The following MAP4K4 variants were observed in gnomAD, a reference collection of about 807,000 sequenced individuals.
MAP4K4 encodes HPK/GCK-like kinase HGK.
A neutral mutation model predicts 189.6 loss-of-function variants in MAP4K4; 38 were observed. The observed-to-expected ratio is 0.20, with a 90% CI of 0.15 to 0.26. The LOEUF is 0.26. MAP4K4 is among the 10% of genes least tolerant of loss of function. The pLI, the probability that MAP4K4 is intolerant of heterozygous loss-of-function variation, is 1.00. For missense variants in MAP4K4, 1,054 were observed against 1,726.9 expected (o/e 0.61, Z 6.91); for synonymous variants, 610 against 624.3 (o/e 0.98, Z 0.34).
chr2:101,700,112 A>T (rs114158647), intron 2 of MAP4K4, among the ~76,000 whole-genome samples: 387 of 152,208 alleles, frequency 2.5e-3, no homozygotes, highest in Non-Finnish European at 4.5e-3. Flanking sequence ...CAGTAGTTGG[A>T]TTGTTTGTGT....
chr2:101,879,220 T>C (rs1258558522), intron 27 of MAP4K4, among the ~76,000 whole-genome samples: 1 of 144,832 alleles, frequency 6.9e-6, no homozygotes, highest in Admixed American at 6.9e-5. Context: ...AAAAAAAAAA[T>C]TAATAATTAT....
chr2:101,711,382 G>A (rs879611075), intron 2 of MAP4K4, among the ~76,000 whole-genome samples: 2 of 152,014 alleles, frequency 1.3e-5, no homozygotes, highest in Non-Finnish European at 2.9e-5. Flanking sequence ...AGCCTGTCAT[G>A]TAGCTGGGAT....
chr2:101,799,484 CCTT>C (rs1304459066), intron 3 of MAP4K4, among the ~76,000 whole-genome samples: 1 of 152,184 alleles, frequency 6.6e-6, no homozygotes, highest in Non-Finnish European at 1.5e-5. Flanking sequence ...CTTGCAGGCT[CCTT>C]CTTCAGCCCC....
chr2:101,771,661 G>A (rs116204316), intron 2 of MAP4K4, among the ~76,000 whole-genome samples: 1 of 152,192 alleles, frequency 6.6e-6, no homozygotes, highest in Admixed American at 6.5e-5. Context: ...CGGAGGCCGC[G>A]CAATGTGCAG....
chr2:101,772,334 A>G (rs2081894120), intron 2 of MAP4K4, among the ~76,000 whole-genome samples: 1 of 152,220 alleles, frequency 6.6e-6, no homozygotes, highest in Non-Finnish European at 1.5e-5. Context: ...CACAGCTGAA[A>G]AAGGATATCC....
chr2:101,876,938 C>T, intron 26 of MAP4K4, 65 bp from the exon 27 acceptor site: 1 of 1,542,822 alleles, frequency 6.5e-7, no homozygotes, highest in Non-Finnish European at 8.9e-7. Flanking sequence ...GTTATCCTTT[C>T]TATACAACCT....
At chr2:101,734,437 G>T (rs1392962214) in intron 2 of MAP4K4, among the ~76,000 whole-genome samples, 1 of 152,114 alleles carries the variant, frequency 6.6e-6, no homozygotes, top group Non-Finnish European at 1.5e-5. Flanking sequence ...TGGATATCAG[G>T]TAGTTTACTT....
chr2:101,707,516 C>T (rs2042962617), intron 2 of MAP4K4, among the ~76,000 whole-genome samples: 1 of 151,800 alleles, frequency 6.6e-6, no homozygotes, highest in African/African-American at 2.4e-5. Context: ...GTCTGCCTGT[C>T]TGTCTGTGTC....
intron 12 of MAP4K4, among the ~76,000 whole-genome samples, chr2:101,846,803 C>A (rs1229834376): frequency 6.6e-6 from 1 of 152,156 alleles, no homozygotes; most frequent in African/African-American, 2.4e-5. Context: ...GAGTAGAATT[C>A]CACTGGTTTG....
intron 2 of MAP4K4, among the ~76,000 whole-genome samples, chr2:101,755,543 T>C (rs1465013928): frequency 2.0e-5 from 3 of 152,312 alleles, no homozygotes; most frequent in African/African-American, 7.2e-5. Flanking sequence ...CTTACATCTT[T>C]ATGTCTGACA....
At chr2:101,712,082 A>G (rs1559049122) in intron 2 of MAP4K4, among the ~76,000 whole-genome samples, 1 of 148,126 alleles carries the variant, frequency 6.8e-6, no homozygotes, top group Non-Finnish European at 1.5e-5. Flanking sequence ...ACATGTTTTT[A>G]ACTTACCACA....
chr2:101,725,987 T>TGC (rs555132350), intron 2 of MAP4K4, among the ~76,000 whole-genome samples: 15,133 of 152,200 alleles, frequency 0.099, 2,141 homozygotes, highest in African/African-American at 0.32. Flanking sequence ...TTCTTATGAG[T>TGC]CTCCTGCATA....
intron 3 of MAP4K4, among the ~76,000 whole-genome samples, chr2:101,813,377 C>T (rs1253483044): frequency 1.3e-5 from 2 of 152,056 alleles, no homozygotes; most frequent in East Asian, 1.9e-4. Flanking sequence ...GAGCTGTAGC[C>T]GGGACCTGCA....
chr2:101,789,104 C>T (rs529244462), intron 2 of MAP4K4, among the ~76,000 whole-genome samples: 19 of 152,262 alleles, frequency 1.2e-4, no homozygotes, highest in Admixed American at 7.8e-4. Flanking sequence ...CATTTGGTTT[C>T]TGTCAGCGAG....
intron 24 of MAP4K4, among the ~76,000 whole-genome samples, chr2:101,872,311 A>C (rs1001978773): frequency 6.6e-6 from 1 of 152,188 alleles, no homozygotes; most frequent in South Asian, 2.1e-4. Flanking sequence ...AAAAATTAGG[A>C]TGTTAAGCAA....
rs922506042 is a variant in MAP4K4 at position 101,870,610 on chromosome 2, C to T, written c.2760+195C>T. Reference sequence around the variant, plus strand: ...ATGCCCAGAAGGTAGCGAGTAGTCTCCACCCCACATCGCTGCTCCTCTGCA... The same window carrying T: ...ATGCCCAGAAGGTAGCGAGTAGTCTTCACCCCACATCGCTGCTCCTCTGCA... On this transcript the variant is annotated intron_variant, in intron 23 of 32. Transcript: ENST00000324219. 1.3e-5 allele frequency: 8 copies of T among 616,648 alleles called. No individual in the cohort carries two copies. In the Admixed American group the frequency reaches 1.9e-4, roughly 14 times the overall value. 38.2% of individuals were successfully genotyped at this position (616,648 alleles called of 1,614,324 possible).
intron 1 of MAP4K4, 107 bp downstream of exon 1, chr2:101,698,244 G>C: frequency 2.7e-6 from 1 of 374,558 alleles, no homozygotes; most frequent in South Asian, 9.0e-5. Flanking sequence ...GGGCAGAGCC[G>C]CGGGGCGCGG....
At chr2:101,709,020 A>G (rs1207622693) in intron 2 of MAP4K4, among the ~76,000 whole-genome samples, 2 of 152,180 alleles carry the variant, frequency 1.3e-5, no homozygotes, top group Non-Finnish European at 2.9e-5. Context: ...ACCTTAAGTC[A>G]TCCACAGAAG....
intron 28 of MAP4K4, 37 bp downstream of exon 28, chr2:101,882,722 G>A: frequency 1.4e-6 from 2 of 1,481,126 alleles, no homozygotes; most frequent in Non-Finnish European, 1.8e-6. Context: ...TTTTTCCAGA[G>A]TTTGATTAGA....
Sources: gnomAD v4.1 joint callset for allele counts (sites outside exome capture counted in the v4.1 genomes callset) on GRCh38, gnomAD v4.1.1 for gene constraint, MANE v1.5 for transcripts, NCBI Gene and HGNC (gene_info 2026-07-23, HGNC 2026-07-21) for gene names.